The following KCNH1 variants were observed in gnomAD, a reference collection of about 807,000 sequenced individuals.
KCNH1 encodes the protein potassium voltage-gated channel subfamily H member 1, also known as voltage-gated delayed rectifier potassium channel KCNH1.
KCNH1 carries 27 observed loss-of-function variants against 69.2 expected under a neutral mutation model. The observed-to-expected ratio is 0.39, with a 90% CI of 0.29 to 0.54. The LOEUF (loss-of-function observed/expected upper bound fraction) is 0.54. Among genes scored for constraint, KCNH1 ranks in the 20% least tolerant of loss-of-function variants. The probability of loss-of-function intolerance (pLI) is 0.68; values close to 1 mark genes in which losing one functional copy is unlikely to be tolerated. For synonymous variants in KCNH1, 456 were observed against 487.7 expected (o/e 0.93, Z 0.86); for missense variants, 798 against 1,261.6 (o/e 0.63, Z 5.57).
At chr1:210,925,464 C>T (rs1052715012) in intron 6 of KCNH1, among the ~76,000 whole-genome samples, 4 of 152,346 alleles carry the variant, frequency 2.6e-5, no homozygotes, top group Admixed American at 6.5e-5. Flanking sequence ...GGGAGGCTCA[C>T]GGCCTCAGGC....
At chr1:210,750,869 AT>A (rs1428575287) in intron 10 of KCNH1, among the ~76,000 whole-genome samples, 20 of 152,106 alleles carry the variant, frequency 1.3e-4, no homozygotes, top group African/African-American at 4.6e-4. Flanking sequence ...ATGAGAGCTC[AT>A]CTAATGTTCT....
chr1:210,773,707 C>G (rs1231907289), intron 10 of KCNH1, among the ~76,000 whole-genome samples: 1 of 152,184 alleles, frequency 6.6e-6, no homozygotes, highest in Non-Finnish European at 1.5e-5. Context: ...CTCCCTTTAG[C>G]TGTCCCCCTC....
At chr1:210,989,301 G>C (rs1245628058) in intron 6 of KCNH1, among the ~76,000 whole-genome samples, 3 of 152,160 alleles carry the variant, frequency 2.0e-5, no homozygotes, top group Non-Finnish European at 4.4e-5. Context: ...CAAAAACAAA[G>C]GCAAAAGACA....
At chr1:210,937,749 A>T (rs957660437) in intron 6 of KCNH1, among the ~76,000 whole-genome samples, 2 of 151,896 alleles carry the variant, frequency 1.3e-5, no homozygotes, top group African/African-American at 4.9e-5. Flanking sequence ...AGTTCCTAAC[A>T]TTCTTTTAAT....
intron 9 of KCNH1, 39 bp from the exon 10 acceptor site, chr1:210,775,583 G>C (rs765907687): frequency 1.3e-6 from 2 of 1,539,388 alleles, no homozygotes; most frequent in South Asian, 2.3e-5. Context: ...GTGTTGGCCA[G>C]GAGAGGTCTG....
intron 7 of KCNH1, among the ~76,000 whole-genome samples, chr1:210,824,513 T>C (rs1028785399): frequency 1.3e-5 from 2 of 152,204 alleles, no homozygotes; most frequent in Non-Finnish European, 2.9e-5. Context: ...GTTGTTGCTT[T>C]ACATTGCCAA....
chr1:211,014,408 G>A (rs1007173586), intron 6 of KCNH1, among the ~76,000 whole-genome samples: 2 of 152,086 alleles, frequency 1.3e-5, no homozygotes, highest in Non-Finnish European at 2.9e-5. Context: ...AACGGCCTCC[G>A]AAACAGATTA....
At chr1:210,958,857 T>C (rs1038636563) in intron 6 of KCNH1, among the ~76,000 whole-genome samples, 1 of 152,254 alleles carries the variant, frequency 6.6e-6, no homozygotes, top group Admixed American at 6.5e-5. Flanking sequence ...GGTTAGAACA[T>C]GCTCCTTTAG....
At chr1:210,960,831 G>A (rs948311382) in intron 6 of KCNH1, among the ~76,000 whole-genome samples, 1 of 152,154 alleles carries the variant, frequency 6.6e-6, no homozygotes, top group African/African-American at 2.4e-5. Flanking sequence ...CATCCAAACT[G>A]TTTTCTAAAA....
At chr1:211,074,556 T>C (rs1319361456) in intron 5 of KCNH1, among the ~76,000 whole-genome samples, 2 of 152,318 alleles carry the variant, frequency 1.3e-5, no homozygotes, top group East Asian at 3.9e-4. Context: ...ATATGGATTA[T>C]AAAAATGTAT....
chr1:210,851,743 G>A (rs2102467700), intron 7 of KCNH1, among the ~76,000 whole-genome samples: 1 of 152,294 alleles, frequency 6.6e-6, no homozygotes, highest in South Asian at 2.1e-4. Flanking sequence ...TGTACTAAAT[G>A]CTGTAAGCTA....
chr1:211,134,020 C>T lies in KCNH1; in HGVS notation c.-75G>A, dbSNP rs1012006460. 24 of 1,329,746 alleles carry T rather than the reference C, an allele frequency of 1.8e-5. No individual in the cohort carries two copies. In the South Asian group the frequency reaches 2.8e-4, roughly 15 times the overall value. The allele number at this position is 1,329,746 out of a possible 1,614,324, so 82.4% of individuals were successfully genotyped here. On this transcript the variant is annotated 5_prime_UTR_variant, in exon 1 of 11. Transcript: ENST00000271751. This position sits in a 1 kb window ranked among gnomAD's most constrained non-coding sequence, Gnocchi z 5.7. ...ACAGCAGGAAACTGGCCTCGGGGCC[C>T]GCACGCAGTCCCGGCTCGAAGCGCC...
rs1684343928 is a variant in KCNH1, at chr1:210,797,653, G to T, written c.1770C>A (p.Leu590=). ...PAFRLASDGC[L]RALAMEFQTV... ...TCTGGAACTCCATGGCCAGTGCCCG[G>T]AGGCAGCCATCACTGGCCAGCCGGA... is the stretch of plus-strand genomic sequence containing the variant. Residue 590 remains leucine (L), a synonymous_variant, in exon 9 of 11, where the codon CTC becomes CTA. Coordinates refer to ENST00000271751, the MANE Select transcript of KCNH1 (RefSeq NM_172362.3). 1 of 1,614,104 alleles carries T rather than the reference G, an allele frequency of 6.2e-7. No individual in the cohort carries two copies. Among genetic ancestry groups the T allele is most frequent in the Admixed American group, 1.7e-5 (1 of 60,018 alleles).
At chr1:210,965,569 T>C (rs1014120565) in intron 6 of KCNH1, among the ~76,000 whole-genome samples, 1 of 151,846 alleles carries the variant, frequency 6.6e-6, no homozygotes, top group African/African-American at 2.4e-5. Flanking sequence ...GACTTCAAAC[T>C]ATACTACCAA....
intron 10 of KCNH1, among the ~76,000 whole-genome samples, chr1:210,692,780 A>G (rs762857448): frequency 3.3e-5 from 5 of 152,192 alleles, no homozygotes; most frequent in African/African-American, 4.8e-5. Flanking sequence ...AGAAGCTAAG[A>G]CAGGCCTGGA....
chr1:211,130,082 C>T (rs991689840), intron 1 of KCNH1, among the ~76,000 whole-genome samples: 1 of 152,172 alleles, frequency 6.6e-6, no homozygotes, highest in Non-Finnish European at 1.5e-5. Flanking sequence ...ACAACAAGTG[C>T]CTGCAGATTT....
intron 9 of KCNH1, among the ~76,000 whole-genome samples, chr1:210,793,429 G>A (rs940266964): frequency 2.6e-5 from 4 of 152,216 alleles, no homozygotes; most frequent in Admixed American, 2.6e-4. Flanking sequence ...GTGTGCACTT[G>A]TATATGTATT....
At chr1:210,796,034 A>T (rs1684307897) in intron 9 of KCNH1, among the ~76,000 whole-genome samples, 2 of 150,950 alleles carry the variant, frequency 1.3e-5, no homozygotes, top group Non-Finnish European at 2.9e-5. Context: ...GGGTGCATGT[A>T]GTCCCAGCTA....
intron 6 of KCNH1, among the ~76,000 whole-genome samples, chr1:211,016,521 T>C (rs1333554948): frequency 6.6e-6 from 1 of 152,198 alleles, no homozygotes; most frequent in Non-Finnish European, 1.5e-5. Flanking sequence ...GATAATTTAT[T>C]TGAATTACCT....
Sources: allele counts gnomAD v4.1 joint callset (sites outside exome capture counted in the v4.1 genomes callset), GRCh38; gene constraint gnomAD v4.1.1; non-coding constraint Gnocchi (gnomAD v3.1); transcripts MANE v1.5; gene names NCBI Gene and HGNC (gene_info 2026-07-23, HGNC 2026-07-21).